ACAA2: variants seen among roughly 807,000 people sequenced by gnomAD.
The protein encoded by ACAA2 is acetyl-CoA acyltransferase 2.
A neutral mutation model predicts 44.8 loss-of-function variants in ACAA2; 35 were observed. The ratio of observed to expected loss-of-function variants is 0.78; its 90% confidence interval spans 0.60 to 1.04. The LOEUF (loss-of-function observed/expected upper bound fraction) is 1.04, where lower values mean the gene tolerates loss of function less well. Ranked by LOEUF, ACAA2 falls within the 50% of genes least tolerant of loss-of-function variation. ACAA2 has a pLI of 0.00. For synonymous variants in ACAA2, 142 were observed against 166.5 expected, an observed-to-expected ratio of 0.85 and a Z score of 1.13; for missense variants, 468 against 482.6, an observed-to-expected ratio of 0.97 and a Z score of 0.28.
At chr18:49,803,667 G>C (rs1210095086) in intron 1 of ACAA2, among the ~76,000 whole-genome samples, 1 of 152,096 alleles carries the variant, frequency 6.6e-6, no homozygotes, top group African/African-American at 2.4e-5. Flanking sequence ...CATATGTTGA[G>C]AACTAAAATC....
At position 49,791,599 on chromosome 18, in the gene ACAA2, C is replaced by G. The variant is rs748882477; in HGVS notation, c.754G>C (p.Gly252Arg). 1.2e-6 allele frequency: 2 copies of G among 1,611,742 alleles called. No homozygotes were observed. The highest frequency in any genetic ancestry group is 2.2e-5 in the South Asian group (2 of 90,832). Residue 252 changes from glycine to arginine, a missense_variant and splice_region_variant, in exon 7 of 10, where the codon GGT becomes CGT. Transcript: ENST00000285093. ...ACAGCTCCAGCACCATCAGCTACAC[C>G]CTTGAAAATAAAAATACTAGATTAA... ...DGTVTAGNAS[G>R]VADGAGAVII...
At position 49,791,593 on chromosome 18, in the gene ACAA2, C is replaced by CT. The variant is rs760436378; in HGVS notation, c.759dup (p.Ala254SerfsTer2). ...ATGATAACAGCTCCAGCACCATCAG[C>CT]TACACCCTTGAAAATAAAAATACTA... On this transcript the variant is annotated frameshift_variant, in exon 7 of 10. Transcript: ENST00000285093. LOFTEE classifies it high-confidence loss of function. 1 of 1,612,952 alleles carries CT rather than the reference C, an allele frequency of 6.2e-7. No homozygotes were observed. Among genetic ancestry groups the CT allele is most frequent in the Admixed American group, 1.7e-5 (1 of 59,896 alleles).
At chr18:49,794,610 T>G (rs1274807043) in intron 4 of ACAA2, among the ~76,000 whole-genome samples, 183 bp from the exon 5 acceptor site, 1 of 152,192 alleles carries the variant, frequency 6.6e-6, no homozygotes, top group Non-Finnish European at 1.5e-5. Context: ...TTGAAAACAT[T>G]CAATGTCACA....
intron 1 of ACAA2, among the ~76,000 whole-genome samples, chr18:49,808,450 T>C (rs1839584031): frequency 6.6e-6 from 1 of 152,246 alleles, no homozygotes; most frequent in Admixed American, 6.5e-5. Flanking sequence ...CACGATGTCC[T>C]ATCATGGGAA....
rs2023283035 is a variant in ACAA2, at chr18:49,782,867, TC to T, written c.*979del. On this transcript the variant is annotated 3_prime_UTR_variant, in exon 10 of 10. Coordinates refer to ENST00000285093, the MANE Select transcript of ACAA2 (RefSeq NM_006111.3). The stretch of plus-strand genomic sequence containing the variant: ...TGTCTCAAAAAAAAAAAAAAAAATT[TC>T]CCCCCAATAAATGTATAACCCATAA... 6.6e-6 allele frequency: 1 copy of T among 150,912 alleles called. No individual in the cohort carries two copies. Among genetic ancestry groups the T allele is most frequent in the Non-Finnish European group, 1.5e-5 (1 of 67,754 alleles). The allele number at this position is 150,912 out of a possible 1,614,324, so 9.3% of individuals were successfully genotyped here. A position where few individuals can be genotyped will look rare whatever the true frequency, so the allele number is the denominator to read the frequency against.
Position 49,792,195 on chromosome 18 carries a change from G to C in ACAA2, c.710C>G (p.Pro237Arg), listed in dbSNP as rs1317662377. The change falls in exon 6 of 10, where the codon CCA becomes CGA. Residue 237 changes from proline to arginine, a missense_variant. Coordinates refer to ENST00000285093, the MANE Select transcript of ACAA2 (RefSeq NM_006111.3). ...TTLEQLQKLPPVFKKDGTVTA... is the reference protein window; with the variant it reads ...TTLEQLQKLPRVFKKDGTVTA... ...AACAGTTCCATCTTTCTTGAATACT[G>C]GAGGAAGTTTCTGTAACTGTTCCAG... 3 of 1,613,888 alleles carry C rather than the reference G, an allele frequency of 1.9e-6. No individual in the cohort carries two copies. The highest frequency in any genetic ancestry group is 2.5e-6 in the Non-Finnish European group (3 of 1,179,928).
chr18:49,787,662 T>C (rs2023349705), intron 7 of ACAA2, among the ~76,000 whole-genome samples: 1 of 151,740 alleles, frequency 6.6e-6, no homozygotes, highest in Non-Finnish European at 1.5e-5. Flanking sequence ...AAAAAAATAA[T>C]AATAAAAATA....
chr18:49,804,668 A>G (rs1171841984), intron 1 of ACAA2, among the ~76,000 whole-genome samples: 1 of 151,866 alleles, frequency 6.6e-6, no homozygotes, highest in East Asian at 1.9e-4. Context: ...TTATCTAATC[A>G]CAAAGAATAG....
chr18:49,799,047 T>A (rs1336336402), intron 2 of ACAA2, among the ~76,000 whole-genome samples: 1 of 152,184 alleles, frequency 6.6e-6, no homozygotes, highest in Non-Finnish European at 1.5e-5. Context: ...TTTTACTTAT[T>A]TCTTAGGAAA....
chr18:49,795,909 C>T, intron 3 of ACAA2, 28 bp from the exon 4 acceptor site: 1 of 1,391,138 alleles, frequency 7.2e-7, no homozygotes, highest in Non-Finnish European at 1.0e-6. Flanking sequence ...GTAATAAAAA[C>T]TCCTTTTACC....
rs951953191 is a variant in ACAA2, at chr18:49,795,957, C to T, written c.313-76G>A. On this transcript the variant is annotated intron_variant, in intron 3 of 9. Transcript: ENST00000285093. The stretch of plus-strand genomic sequence containing the variant: ...TGTATTAAGAAACACACTGATTTTA[C>T]AAATTAATGGTAAATCAAACAAATA... The T allele has an allele frequency of 3.4e-5, 30 of 894,582 alleles. No individual in the cohort carries two copies. The Admixed American group carries it at 3.6e-4, about 11-fold the overall frequency. The allele number at this position is 894,582 out of a possible 1,614,324, so 55.4% of individuals were successfully genotyped here.
At chr18:49,791,697 A>G in intron 6 of ACAA2, 98 bp from the exon 7 acceptor site, 1 of 1,271,486 alleles carries the variant, frequency 7.9e-7, no homozygotes, top group Non-Finnish European at 1.1e-6. Flanking sequence ...ATGGCAGTAC[A>G]TAGGAAGCCA....
In ACAA2 at chr18:49,791,451, T is replaced by A; in HGVS notation, c.883+19A>T. Reference sequence around the variant, plus strand: ...CTCCAGAAATATTATAGAACCAGTTTGTTTTACTATAAACTTACCAATACC... The same window carrying A: ...CTCCAGAAATATTATAGAACCAGTTAGTTTTACTATAAACTTACCAATACC... On this transcript the variant is annotated intron_variant, in intron 7 of 9. Coordinates refer to ENST00000285093, the MANE Select transcript of ACAA2 (RefSeq NM_006111.3). The A allele has an allele frequency of 6.2e-7, 1 of 1,602,782 alleles. No homozygotes were observed. Among genetic ancestry groups the A allele is most frequent in the Non-Finnish European group, 8.5e-7 (1 of 1,173,190 alleles).
chr18:49,805,352 G>A (rs2023599245), intron 1 of ACAA2, among the ~76,000 whole-genome samples: 1 of 152,004 alleles, frequency 6.6e-6, no homozygotes, highest in Admixed American at 6.5e-5. Context: ...GGAATATTAG[G>A]AGCAATATAT....
At chr18:49,804,629 A>G (rs7506023) in intron 1 of ACAA2, among the ~76,000 whole-genome samples, 11,936 of 152,292 alleles carry the variant, frequency 0.078, 988 homozygotes, top group East Asian at 0.3. Flanking sequence ...CCCTTAGAAT[A>G]TAAGAATATA....
In ACAA2 at chr18:49,802,538, G is replaced by T. The variant is rs565119798; in HGVS notation, c.183+149C>A. On this transcript the variant is annotated intron_variant, in intron 2 of 9. Coordinates refer to ENST00000285093, the MANE Select transcript of ACAA2 (RefSeq NM_006111.3). ...GATCGCACCACCATACTCCAGCCTG[G>T]CGGCAGAGCGAGACTCCATCTCAAA... The T allele has an allele frequency of 8.7e-5, 61 of 699,898 alleles. 1 individual carries two copies. In the South Asian group the frequency reaches 1.7e-3, roughly 20 times the overall value. 43.4% of individuals were successfully genotyped at this position (699,898 alleles called of 1,614,324 possible).
chr18:49,801,785 C>CATATATATATATATATATATAT lies in ACAA2; in HGVS notation c.183+880_183+901dup, dbSNP rs55864039. 2.0e-3 allele frequency among the ~76,000 whole-genome samples: 225 copies of CATATATATATATATATATATAT among 112,168 alleles called. 1 individual carries two copies. Among genetic ancestry groups the CATATATATATATATATATATAT allele is most frequent in the South Asian group, 3.3e-3 (10 of 3,060 alleles). 73.6% of individuals were successfully genotyped at this position (112,168 alleles called of 152,430 possible). On this transcript the variant is annotated intron_variant, in intron 2 of 9. Coordinates refer to ENST00000285093, the MANE Select transcript of ACAA2 (RefSeq NM_006111.3). ...CATAAGATATATCACAGAAACTGAT[C>CATATATATATATATATATATAT]ATATATATATATATATATATATATA...
In ACAA2 at chr18:49,792,208, G is replaced by A. The variant is rs775462658; in HGVS notation, c.697C>T (p.Gln233Ter). ...TTCTTGAATACTGGAGGAAGTTTCT[G>A]TAACTGTTCCAGGGTGGTTTGGGGC... ...ARPQTTLEQL[Q>*]KLPPVFKKDG... Residue 233 changes from glutamine (Q) to a stop codon, truncating the protein, a stop_gained, in exon 6 of 10, where the codon CAG (glutamine) becomes TAG (stop). Coordinates refer to ENST00000285093, the MANE Select transcript of ACAA2 (RefSeq NM_006111.3). LOFTEE classifies it high-confidence loss of function. The A allele has an allele frequency of 1.2e-5, 19 of 1,613,938 alleles. No homozygotes were observed. The highest frequency in any genetic ancestry group is 1.4e-5 in the Non-Finnish European group (17 of 1,179,976).
rs184776686 is a variant in ACAA2 at position 49,803,225 on chromosome 18, G to A, written c.17-372C>T. 3.8e-3 allele frequency among the ~76,000 whole-genome samples: 502 copies of A among 131,804 alleles called. 3 individuals carry two copies. The highest frequency in any genetic ancestry group is 3.4e-3 in the Non-Finnish European group (211 of 61,642). 86.5% of individuals were successfully genotyped at this position (131,804 alleles called of 152,430 possible). ...GCCAGATGGCCTGGTGCCACCACCC[G>A]GCCCTGGTAGTTAAAATAATAATAA... On this transcript the variant is annotated intron_variant, in intron 1 of 9. Transcript: ENST00000285093.
Sources: gnomAD v4.1 joint callset for allele counts (sites outside exome capture counted in the v4.1 genomes callset) on GRCh38, gnomAD v4.1.1 for gene constraint, MANE v1.5 for transcripts, NCBI Gene and HGNC (gene_info 2026-07-23, HGNC 2026-07-21) for gene names.